Variants in HIGD1C observed in about 807,000 individuals in gnomAD.
The protein encoded by HIGD1C is HIG1 hypoxia inducible domain family member 1C, also known as HIG1 domain family member 1C.
A neutral mutation model predicts 13.1 loss-of-function variants in HIGD1C; 11 were observed. The ratio of observed to expected loss-of-function variants is 0.84; its 90% CI spans 0.53 to 1.39. The LOEUF (loss-of-function observed/expected upper bound fraction) is 1.39. Among genes scored for constraint, HIGD1C ranks in the 40% most tolerant of loss-of-function variants. The pLI is 0.00. For synonymous variants in HIGD1C, 36 were observed against 37.7 expected (o/e 0.95, Z 0.17); for missense variants, 110 against 112.0 (o/e 0.98, Z 0.08).
chr12:50,939,100 T>C, the HIGD1C span, among the ~76,000 whole-genome samples: 1 of 152,330 alleles, frequency 6.6e-6, no homozygotes, highest in East Asian at 1.9e-4. Context: ...TCCTCCTGTC[T>C]TCCTACTCAC....
chr12:50,970,325 G>A, intron 2 of HIGD1C, 117 bp from the exon 5 acceptor site: 1 of 683,132 alleles, frequency 1.5e-6, no homozygotes, highest in Non-Finnish European at 2.6e-6. Flanking sequence ...AAGAAGGAGG[G>A]CCTTTGTTTG....
chr12:50,967,653 T>C (rs1254089592), intron 2 of HIGD1C, among the ~76,000 whole-genome samples: 2 of 152,182 alleles, frequency 1.3e-5, no homozygotes, highest in Non-Finnish European at 2.9e-5. Flanking sequence ...ACTGAAAACA[T>C]GGCCATTAAT....
At chr12:50,938,024 C>T in the HIGD1C span, among the ~76,000 whole-genome samples, 1 of 152,172 alleles carries the variant, frequency 6.6e-6, no homozygotes, top group Admixed American at 6.5e-5. Flanking sequence ...GCCTGGCCCC[C>T]CAACCTTCTG....
downstream of HIGD1C, among the ~76,000 whole-genome samples, chr12:50,971,285 T>G (rs1288419520): frequency 6.6e-6 from 1 of 152,180 alleles, no homozygotes; most frequent in Non-Finnish European, 1.5e-5. Context: ...TTAGAATGGG[T>G]AATAATGACA....
At chr12:50,971,413 A>G (rs1212891451), downstream of HIGD1C, among the ~76,000 whole-genome samples, 1 of 152,196 alleles carries the variant, frequency 6.6e-6, no homozygotes, top group Non-Finnish European at 1.5e-5. Context: ...TTATTTGTTT[A>G]TTCATTTTTA....
At chr12:50,940,671 C>T in the HIGD1C span, among the ~76,000 whole-genome samples, 3 of 148,374 alleles carry the variant, frequency 2.0e-5, no homozygotes, top group East Asian at 4.1e-4. Flanking sequence ...TGCAGTGAGC[C>T]GTGATTGCAC....
rs77905119 is a variant in HIGD1C at position 50,965,467 on chromosome 12, T to C, written c.229+4365T>C. 1.9e-3 allele frequency among the ~76,000 whole-genome samples: 284 copies of C among 152,206 alleles called. 1 individual carries two copies. The highest frequency in any genetic ancestry group is 3.3e-3 in the Non-Finnish European group (227 of 68,002). On this transcript the variant is annotated intron_variant, in intron 2 of 2. Coordinates refer to ENST00000398455, the Ensembl canonical transcript of HIGD1C. ...TTCCACTTGGTATTTCCTACTATAA[T>C]AGCCCTTACTTTGCAGGTCAGGGGA... is the stretch of plus-strand genomic sequence containing the variant.
chr12:50,968,092 T>TAAG (rs143418482), intron 2 of HIGD1C, among the ~76,000 whole-genome samples: 1 of 146,288 alleles, frequency 6.8e-6, no homozygotes, highest in Admixed American at 6.8e-5. Context: ...TCTCAAATAA[T>TAAG]AAGAAGAAGA....
chr12:50,948,918 GGGGGAGGGGGAGGGGAGGA>G (rs1938842598), upstream of HIGD1C, among the ~76,000 whole-genome samples: 1 of 3,374 alleles, frequency 3.0e-4, no homozygotes, highest in Non-Finnish European at 5.8e-4. Context: ...GGGGGGGAGG[GGGGGAGGGGGAGGGGAGGA>G]GGAGGAGGAG....
the HIGD1C span, among the ~76,000 whole-genome samples, chr12:50,937,694 G>A: frequency 1.3e-5 from 2 of 152,184 alleles, no homozygotes; most frequent in Non-Finnish European, 2.9e-5. Flanking sequence ...AGGCAGAAGA[G>A]AGCTTCACTG....
At chr12:50,960,241 T>C (rs1939274754) in intron 1 of HIGD1C, among the ~76,000 whole-genome samples, 1 of 152,332 alleles carries the variant, frequency 6.6e-6, no homozygotes, top group African/African-American at 2.4e-5. Flanking sequence ...TTTCACTTTA[T>C]ATAGAAGCAC....
chr12:50,957,938 GT>G (rs1939167193), intron 1 of HIGD1C, among the ~76,000 whole-genome samples: 15 of 2,604 alleles, frequency 5.8e-3, no homozygotes, highest in Middle Eastern at 0.17. Context: ...TGAATTGGAG[GT>G]GTGTGTGTGT....
chr12:50,950,670 A>AT (rs57553489), upstream of HIGD1C, among the ~76,000 whole-genome samples: 28,664 of 87,446 alleles, frequency 0.33, 5,740 homozygotes, highest in Non-Finnish European at 0.41. Flanking sequence ...TGCCCAGCTA[A>AT]TTTTTTTTTT....
At position 50,954,112 on chromosome 12, in the gene HIGD1C, G is replaced by A. The variant is rs1192078651; in HGVS notation, c.94+20G>A. The A allele has an allele frequency of 7.0e-7, 1 of 1,427,734 alleles. No individual in the cohort carries two copies. The highest frequency in any genetic ancestry group is 9.8e-7 in the Non-Finnish European group (1 of 1,016,778). The allele number at this position is 1,427,734 out of a possible 1,614,324, so 88.4% of individuals were successfully genotyped here. A position where few individuals can be genotyped will look rare whatever the true frequency, so the allele number is the denominator to read the frequency against. On this transcript the variant is annotated intron_variant, in intron 1 of 2. Transcript: ENST00000398455. ...CTATAGGTAAGTACAAGCCTTGACT[G>A]GATGCAGAAAACTGTAATAACACAA...
intron 2 of HIGD1C, among the ~76,000 whole-genome samples, chr12:50,963,204 T>C (rs2139813808): frequency 6.6e-6 from 1 of 151,432 alleles, no homozygotes; most frequent in East Asian, 1.9e-4. Context: ...ACCCCATCTC[T>C]ACTTAAAATA....
chr12:50,937,966 A>G, the HIGD1C span, among the ~76,000 whole-genome samples: 3 of 152,282 alleles, frequency 2.0e-5, no homozygotes, highest in Non-Finnish European at 4.4e-5. Flanking sequence ...CCAAACGGTC[A>G]TCAATGAAAT....
the HIGD1C span, among the ~76,000 whole-genome samples, chr12:50,941,902 T>A: frequency 5.3e-4 from 80 of 152,294 alleles, no homozygotes; most frequent in Middle Eastern, 6.8e-3. Context: ...CTTTTTTTCT[T>A]TTTTGAGACA....
chr12:50,956,505 A>C (rs1207213995), intron 1 of HIGD1C, among the ~76,000 whole-genome samples: 2 of 152,232 alleles, frequency 1.3e-5, no homozygotes, highest in Non-Finnish European at 2.9e-5. Context: ...CAGGTAACTT[A>C]CAAAACATTT....
chr12:50,944,388 A>C, the HIGD1C span, among the ~76,000 whole-genome samples: 4 of 152,188 alleles, frequency 2.6e-5, no homozygotes, highest in African/African-American at 9.7e-5. Flanking sequence ...TGGTTCACTC[A>C]CATCTGTAAT....
Sources: gnomAD v4.1 joint callset for allele counts (sites outside exome capture counted in the v4.1 genomes callset) on GRCh38, gnomAD v4.1.1 for gene constraint, MANE v1.5 for transcripts, NCBI Gene and HGNC (gene_info 2026-07-23, HGNC 2026-07-21) for gene names.